Variants in LRMDA observed in about 807,000 individuals in gnomAD.
LRMDA encodes leucine-rich melanocyte differentiation-associated protein.
LRMDA carries 18 observed loss-of-function variants against 29.8 expected under a neutral mutation model. The observed-to-expected ratio is 0.60, with a 90% confidence interval of 0.42 to 0.90. LRMDA has a LOEUF of 0.90. Among genes scored for constraint, LRMDA ranks in the 40% least tolerant of loss-of-function variants. The pLI is 0.00. For synonymous variants in LRMDA, 125 were observed against 109.4 expected (o/e 1.14, Z -0.89); for missense variants, 273 against 273.9 (o/e 1.00, Z 0.02).
chr10:75,621,449 A>C (rs1451520381), intron 2 of LRMDA, among the ~76,000 whole-genome samples: 1 of 152,180 alleles, frequency 6.6e-6, no homozygotes, highest in Non-Finnish European at 1.5e-5. Context: ...GTAGGTAATC[A>C]AAAAATATTC....
intron 4 of LRMDA, among the ~76,000 whole-genome samples, chr10:76,053,852 C>T (rs1848568480): frequency 1.3e-5 from 2 of 152,188 alleles, no homozygotes; most frequent in Non-Finnish European, 2.9e-5. Context: ...CATTGGTTCT[C>T]AGCAGGACTA....
intron 5 of LRMDA, among the ~76,000 whole-genome samples, chr10:76,145,997 G>C (rs549608084): frequency 6.6e-6 from 1 of 150,866 alleles, no homozygotes; most frequent in African/African-American, 2.4e-5. Flanking sequence ...GTAGTTGAGC[G>C]GTTTTGAGTG....
intron 6 of LRMDA, among the ~76,000 whole-genome samples, chr10:76,360,495 G>A (rs1228381598): frequency 6.6e-6 from 1 of 152,146 alleles, no homozygotes; most frequent in Non-Finnish European, 1.5e-5. Context: ...TTCAGACCCT[G>A]TGTAGGCAGA....
chr10:75,648,138 A>C (rs770078737), intron 2 of LRMDA, among the ~76,000 whole-genome samples: 6 of 152,252 alleles, frequency 3.9e-5, no homozygotes, highest in Non-Finnish European at 8.8e-5. Context: ...CAGGATGTAC[A>C]TTAAGTTAAG....
chr10:76,494,728 A>G (rs1447086390), intron 6 of LRMDA, among the ~76,000 whole-genome samples: 1 of 151,720 alleles, frequency 6.6e-6, no homozygotes, highest in African/African-American at 2.4e-5. Flanking sequence ...TTTTTTTCTA[A>G]TATGACCTCT....
At chr10:75,683,156 C>A (rs1296473966) in intron 2 of LRMDA, among the ~76,000 whole-genome samples, 1 of 152,134 alleles carries the variant, frequency 6.6e-6, no homozygotes, top group African/African-American at 2.4e-5. Context: ...AATAATGGGC[C>A]TATTCAGATT....
chr10:75,879,648 T>C (rs2132341977), intron 2 of LRMDA, among the ~76,000 whole-genome samples: 1 of 152,292 alleles, frequency 6.6e-6, no homozygotes. Flanking sequence ...TTGGTAGTTT[T>C]CACACCAGGA....
At chr10:76,228,213 G>A (rs796506203) in intron 5 of LRMDA, among the ~76,000 whole-genome samples, 5 of 152,056 alleles carry the variant, frequency 3.3e-5, no homozygotes, top group African/African-American at 1.2e-4. Flanking sequence ...GTAGAGACGG[G>A]GTTTCACCAT....
At chr10:75,480,394 G>A (rs1844839653) in intron 2 of LRMDA, among the ~76,000 whole-genome samples, 1 of 150,090 alleles carries the variant, frequency 6.7e-6, no homozygotes, top group Non-Finnish European at 1.5e-5. Context: ...GTGTATTCAA[G>A]GGACACAAAC....
chr10:75,733,409 T>C (rs1842723042), intron 2 of LRMDA, among the ~76,000 whole-genome samples: 1 of 152,238 alleles, frequency 6.6e-6, no homozygotes, highest in Non-Finnish European at 1.5e-5. Context: ...TTTGCCACTG[T>C]CATATTTGTC....
chr10:76,154,574 G>A (rs1850504119), intron 5 of LRMDA, among the ~76,000 whole-genome samples: 2 of 152,188 alleles, frequency 1.3e-5, no homozygotes, highest in South Asian at 4.1e-4. Context: ...CATGTTGATG[G>A]TTTGGAGAAT....
At chr10:76,410,306 T>TC (rs1841946305) in intron 6 of LRMDA, among the ~76,000 whole-genome samples, 1 of 127,414 alleles carries the variant, frequency 7.8e-6, no homozygotes, top group Non-Finnish European at 1.7e-5. Flanking sequence ...TTCTTTTTTT[T>TC]TTTTTTTTTT....
intron 2 of LRMDA, among the ~76,000 whole-genome samples, chr10:76,027,827 G>A (rs7478118): frequency 6.6e-6 from 1 of 152,122 alleles, no homozygotes; most frequent in African/African-American, 2.4e-5. Context: ...TAAATGTATA[G>A]CATGAAAATT....
At chr10:76,228,081 G>A (rs575000396) in intron 5 of LRMDA, among the ~76,000 whole-genome samples, 1 of 151,400 alleles carries the variant, frequency 6.6e-6, no homozygotes, top group Admixed American at 6.6e-5. Context: ...GAATGCAGTG[G>A]TGTGATCTTT....
intron 5 of LRMDA, among the ~76,000 whole-genome samples, chr10:76,143,283 G>A (rs374618993): frequency 6.6e-6 from 1 of 152,146 alleles, no homozygotes; most frequent in African/African-American, 2.4e-5. Flanking sequence ...TTCCACAAGG[G>A]TTGAACTAGT....
chr10:75,698,073 A>G (rs1842260805), intron 2 of LRMDA, among the ~76,000 whole-genome samples: 1 of 152,204 alleles, frequency 6.6e-6, no homozygotes, highest in Admixed American at 6.5e-5. Flanking sequence ...TATAATTTGT[A>G]TAAAGTCACA....
intron 6 of LRMDA, among the ~76,000 whole-genome samples, chr10:76,365,981 C>G (rs879297584): frequency 2.6e-5 from 4 of 152,140 alleles, no homozygotes; most frequent in Non-Finnish European, 4.4e-5. Context: ...ATCCCAGCAC[C>G]ATTTGTTGAA....
chr10:76,352,269 A>G (rs887953069), intron 6 of LRMDA, among the ~76,000 whole-genome samples: 27 of 152,150 alleles, frequency 1.8e-4, no homozygotes, highest in African/African-American at 6.3e-4. Context: ...TAACTGTGGT[A>G]AAGTTTAGTA....
intron 2 of LRMDA, among the ~76,000 whole-genome samples, chr10:75,620,988 C>A (rs1841174309): frequency 6.6e-6 from 1 of 152,096 alleles, no homozygotes; most frequent in African/African-American, 2.4e-5. Flanking sequence ...TCCCTCACCG[C>A]CTTCACCATT....
Sources: allele counts gnomAD v4.1 joint callset (sites outside exome capture counted in the v4.1 genomes callset), GRCh38; gene constraint gnomAD v4.1.1; transcripts MANE v1.5; gene names NCBI Gene and HGNC (gene_info 2026-07-23, HGNC 2026-07-21).